ECI1: variants seen among roughly 807,000 people sequenced by gnomAD.
ECI1 encodes enoyl-CoA delta isomerase 1, mitochondrial.
In ECI1, 34 loss-of-function variants were observed where a neutral mutation model predicts 34.2. That is an observed-to-expected ratio of 1.00 (90% CI 0.76 to 1.33). The LOEUF (loss-of-function observed/expected upper bound fraction) is 1.33. Among genes scored for constraint, ECI1 ranks in the 40% most tolerant of loss-of-function variants. ECI1 has a pLI of 0.00. For synonymous variants in ECI1, 211 were observed against 193.0 expected (o/e 1.09, Z -0.77); for missense variants, 456 against 422.2 (o/e 1.08, Z -0.70).
At chr16:2,247,054 C>T (rs562081321) in intron 2 of ECI1, 68 bp from the exon 3 acceptor site, 6 of 1,567,448 alleles carry the variant, frequency 3.8e-6, no homozygotes, top group East Asian at 4.6e-5. Flanking sequence ...CAGCCTGCAC[C>T]CTCAACTAAG....
chr16:2,243,515 G>A (rs1884671289), intron 4 of ECI1, 76 bp from the exon 5 acceptor site: 1 of 1,578,368 alleles, frequency 6.3e-7, no homozygotes, highest in South Asian at 1.1e-5. Context: ...GTCCAAGGAA[G>A]GAGGGCCTGT....
intron 2 of ECI1, among the ~76,000 whole-genome samples, chr16:2,249,565 C>A (rs1393310763): frequency 6.6e-6 from 1 of 151,822 alleles, no homozygotes; most frequent in African/African-American, 2.4e-5. Flanking sequence ...TGCCTCCCCA[C>A]TTTACCATAT....
At chr16:2,246,769 T>C (rs1406512696) in intron 3 of ECI1, 90 bp downstream of exon 3, 2 of 1,589,296 alleles carry the variant, frequency 1.3e-6, no homozygotes, top group Non-Finnish European at 8.6e-7. Flanking sequence ...TGGCAGGCTC[T>C]GCCTCTTCCA....
intron 6 of ECI1, 132 bp downstream of exon 6, chr16:2,242,914 A>G (rs575028665): frequency 4.5e-5 from 34 of 747,598 alleles, no homozygotes; most frequent in Non-Finnish European, 7.1e-5. Context: ...TTGTTACAGC[A>G]GCCTCCTGAC....
rs763564542 is a variant in ECI1 at position 2,246,961 on chromosome 16, G to C, written c.192C>G (p.Asn64Lys). 6.2e-7 allele frequency: 1 copy of C among 1,613,696 alleles called. No individual in the cohort carries two copies. Among genetic ancestry groups the C allele is most frequent in the Non-Finnish European group, 8.5e-7 (1 of 1,180,014 alleles). ...CCAGGCTCAGGCTGTTCACTGGGGG[G>C]TTCTTGAATTTCATCACAGCGACCC... is the stretch of plus-strand genomic sequence containing the variant. The part of the protein sequence containing the change: ...GAGVAVMKFK[N>K]PPVNSLSLEF... The change falls in exon 3 of 7, where the codon AAC becomes AAG. Residue 64 changes from asparagine to lysine, a missense_variant. Transcript: ENST00000301729.
intron 2 of ECI1, among the ~76,000 whole-genome samples, chr16:2,249,119 T>C (rs982913845): frequency 3.3e-5 from 5 of 152,024 alleles, no homozygotes; most frequent in Non-Finnish European, 5.9e-5. Flanking sequence ...GATCTCGGCT[T>C]ACTGCAAGCT....
chr16:2,246,062 C>T (rs1004883777), intron 3 of ECI1, among the ~76,000 whole-genome samples: 2 of 152,130 alleles, frequency 1.3e-5, no homozygotes, highest in South Asian at 2.1e-4. Flanking sequence ...TGTAAAGCCA[C>T]GCCAGCCTCC....
chr16:2,244,077 G>C, intron 4 of ECI1: 2 of 417,482 alleles, frequency 4.8e-6, no homozygotes, highest in Non-Finnish European at 9.0e-6. Context: ...CCCCAGAAGG[G>C]ATGGAGTGAT....
chr16:2,242,727 G>A (rs2093530538), intron 6 of ECI1: 1 of 444,562 alleles, frequency 2.2e-6, no homozygotes, highest in South Asian at 2.5e-5. Context: ...AGAGATTAGA[G>A]CGAGGCGCCC....
At chr16:2,245,353 C>T (rs892900006) in intron 3 of ECI1, among the ~76,000 whole-genome samples, 1 of 152,224 alleles carries the variant, frequency 6.6e-6, no homozygotes, top group Non-Finnish European at 1.5e-5. Flanking sequence ...GTTTACCCCG[C>T]CCTGTCTGCA....
At chr16:2,251,480 C>G (rs2093553807) in intron 1 of ECI1, 35 bp downstream of exon 1, 12 of 1,550,182 alleles carry the variant, frequency 7.7e-6, no homozygotes, top group Non-Finnish European at 1.0e-5. Context: ...TGGCCCCGGC[C>G]CCGGCCCGAT....
At chr16:2,245,419 G>A (rs956167040) in intron 3 of ECI1, among the ~76,000 whole-genome samples, 1 of 152,248 alleles carries the variant, frequency 6.6e-6, no homozygotes, top group East Asian at 1.9e-4. Context: ...TGGGACAGAT[G>A]GGATGGCCTC....
Position 2,251,309 on chromosome 16 carries a change from C to A in ECI1, c.166+7G>T. ...ACGCCCGCCCTCCCTCGGCGCCGCC[C>A]GCTCACCTGCGCCCGCGTCCGGCTC... On this transcript the variant is annotated splice_region_variant and intron_variant, in intron 2 of 6. Coordinates refer to ENST00000301729, the MANE Select transcript of ECI1 (RefSeq NM_001919.4). 1 of 1,197,800 alleles carries A rather than the reference C, an allele frequency of 8.3e-7. No homozygotes were observed. 74.2% of individuals were successfully genotyped at this position (1,197,800 alleles called of 1,614,324 possible).
intron 6 of ECI1, chr16:2,242,697 A>C: frequency 2.9e-6 from 1 of 342,902 alleles, no homozygotes. Context: ...CAGGGGAGAA[A>C]GCTGCGTAAG....
chr16:2,249,716 C>CAAAA (rs56139101), intron 2 of ECI1, among the ~76,000 whole-genome samples: 55 of 139,676 alleles, frequency 3.9e-4, no homozygotes, highest in South Asian at 4.6e-4. Flanking sequence ...CTAAAAATAC[C>CAAAA]AAAAAAAAAA....
At chr16:2,248,666 G>A (rs1227504971) in intron 2 of ECI1, among the ~76,000 whole-genome samples, 4 of 152,042 alleles carry the variant, frequency 2.6e-5, no homozygotes, top group Non-Finnish European at 5.9e-5. Context: ...CTCCTGCCTC[G>A]GCCTCCCAAA....
At chr16:2,241,713 A>G (rs2093528504) in intron 6 of ECI1, 1 of 150,974 alleles carries the variant, frequency 6.6e-6, no homozygotes, top group Non-Finnish European at 1.5e-5. Context: ...TGTTTTTGAG[A>G]CAGAGTCTCA....
At position 2,239,791 on chromosome 16, in the gene ECI1, C is replaced by T. The variant is rs2093523376; in HGVS notation, c.*188G>A. The T allele has an allele frequency of 7.7e-6, 5 of 652,166 alleles. No individual in the cohort carries two copies. The Admixed American group carries it at 1.2e-4, about 16-fold the overall frequency. The allele number at this position is 652,166 out of a possible 1,614,324, so 40.4% of individuals were successfully genotyped here. A position where few individuals can be genotyped will look rare whatever the true frequency, so the allele number is the denominator to read the frequency against. ...CCTCCAACTCCCCTTGCCTGACGGG[C>T]ACAGGCACCCATGTGTGTTTGTGTG... On this transcript the variant is annotated 3_prime_UTR_variant, in exon 7 of 7. Transcript: ENST00000301729.
chr16:2,248,780 C>T (rs901043048), intron 2 of ECI1, among the ~76,000 whole-genome samples: 1 of 152,138 alleles, frequency 6.6e-6, no homozygotes, highest in Admixed American at 6.6e-5. Flanking sequence ...CTGTGTTGTG[C>T]AACTATCGCC....
Sources: gnomAD v4.1 joint callset for allele counts (sites outside exome capture counted in the v4.1 genomes callset) on GRCh38, gnomAD v4.1.1 for gene constraint, MANE v1.5 for transcripts, NCBI Gene and HGNC (gene_info 2026-07-23, HGNC 2026-07-21) for gene names.